The following C2CD2 variants were observed in gnomAD, a reference collection of about 807,000 sequenced individuals.
The protein encoded by C2CD2 is C2 calcium dependent domain containing 2, also known as C2 domain-containing protein 2.
Under a neutral mutation model 74.3 loss-of-function variants are expected in C2CD2, and 43 were observed. The observed-to-expected ratio is 0.58, with a 90% CI of 0.45 to 0.75. The LOEUF (loss-of-function observed/expected upper bound fraction) is 0.75. Ranked by LOEUF, C2CD2 falls within the 30% of genes least tolerant of loss-of-function variation. The pLI is 0.00. For synonymous variants in C2CD2, 422 were observed against 390.7 expected, an observed-to-expected ratio of 1.08 and a Z score of -0.94; for missense variants, 801 against 916.3, an observed-to-expected ratio of 0.87 and a Z score of 1.63.
intron 1 of C2CD2, among the ~76,000 whole-genome samples, chr21:41,948,870 C>CT (rs967927171): frequency 0.087 from 6,975 of 80,376 alleles, 999 homozygotes; most frequent in East Asian, 0.25. Flanking sequence ...CACACAGCAT[C>CT]TTTTTTTTTT....
At position 41,939,201 on chromosome 21, in the gene C2CD2, T is replaced by C. The variant is rs1019072444; in HGVS notation, c.378+2946A>G. Among the ~76,000 whole-genome samples, 1 of 152,182 alleles carries C rather than the reference T, an allele frequency of 6.6e-6. No homozygotes were observed. Among genetic ancestry groups the C allele is most frequent in the South Asian group, 2.1e-4 (1 of 4,834 alleles). Reference sequence around the variant, plus strand: ...TCATGGCCATACAAATACGATGCTGTTTTTCACTTCTAATTTACATGTACT... The same window carrying C: ...TCATGGCCATACAAATACGATGCTGCTTTTCACTTCTAATTTACATGTACT... On this transcript the variant is annotated intron_variant, in intron 2 of 13. Coordinates refer to ENST00000380486, the MANE Select transcript of C2CD2 (RefSeq NM_015500.2). This position sits in a 1 kb window ranked among gnomAD's most constrained non-coding sequence, Gnocchi z 5.5.
At chr21:41,912,947 A>T (rs969100237) in intron 6 of C2CD2, among the ~76,000 whole-genome samples, 6 of 152,234 alleles carry the variant, frequency 3.9e-5, no homozygotes, top group African/African-American at 1.4e-4. Flanking sequence ...GGAGTTAAGT[A>T]ATTTTTTCCC....
intron 11 of C2CD2, among the ~76,000 whole-genome samples, chr21:41,902,742 G>A (rs184324588): frequency 3.3e-5 from 5 of 152,222 alleles, no homozygotes; most frequent in African/African-American, 4.8e-5. Context: ...GTGACACTGG[G>A]GAATAATAAA....
chr21:41,921,927 G>C (rs2065158061), intron 3 of C2CD2, 45 bp downstream of exon 3: 1 of 1,189,748 alleles, frequency 8.4e-7, no homozygotes, highest in Non-Finnish European at 1.3e-6. Flanking sequence ...ACATTTCTGA[G>C]AACTGTGACG....
At chr21:41,941,721 C>T (rs1434836411) in intron 2 of C2CD2, among the ~76,000 whole-genome samples, 2 of 152,196 alleles carry the variant, frequency 1.3e-5, no homozygotes, top group South Asian at 2.1e-4. Context: ...ATCACCCCAA[C>T]ATGAAACCTT....
At chr21:41,952,614 G>C (rs752277387) in intron 1 of C2CD2, among the ~76,000 whole-genome samples, 2 of 152,230 alleles carry the variant, frequency 1.3e-5, no homozygotes, top group African/African-American at 2.4e-5. Flanking sequence ...ATAAGTCAAC[G>C]AGTAATCAGC....
chr21:41,918,070 G>T, intron 5 of C2CD2, 35 bp downstream of exon 5: 1 of 1,613,184 alleles, frequency 6.2e-7, no homozygotes, highest in Non-Finnish European at 8.5e-7. Flanking sequence ...GCCTAACGGG[G>T]TTCAGATGCA....
chr21:41,902,239 C>T (rs2064908234), intron 11 of C2CD2, among the ~76,000 whole-genome samples: 1 of 152,174 alleles, frequency 6.6e-6, no homozygotes, highest in Non-Finnish European at 1.5e-5. Context: ...CTTTGAAAGG[C>T]AAGGTAGTGA....
At chr21:41,920,548 G>A (rs749068560) in intron 3 of C2CD2, among the ~76,000 whole-genome samples, 1 of 152,186 alleles carries the variant, frequency 6.6e-6, no homozygotes, top group Non-Finnish European at 1.5e-5. Flanking sequence ...GGTAATTCTA[G>A]TGGAAAAGTG....
chr21:41,953,316 G>A (rs540812588), intron 1 of C2CD2, 54 bp downstream of exon 1: 8 of 1,273,584 alleles, frequency 6.3e-6, no homozygotes, highest in South Asian at 1.9e-5. Context: ...ACCTCGGCCC[G>A]GACCGCCCGC....
intron 1 of C2CD2, among the ~76,000 whole-genome samples, chr21:41,943,663 G>A (rs950801018): frequency 3.3e-5 from 5 of 152,302 alleles, no homozygotes; most frequent in East Asian, 3.9e-4. Context: ...AAACCTTGCC[G>A]TGGCGATTCC....
At position 41,901,705 on chromosome 21, in the gene C2CD2, T is replaced by G. The variant is rs750827057; in HGVS notation, c.1477A>C (p.Ile493Leu). The G allele has an allele frequency of 1.2e-6, 2 of 1,614,032 alleles. No individual in the cohort carries two copies. Among genetic ancestry groups the G allele is most frequent in the Admixed American group, 3.3e-5 (2 of 60,026 alleles). Residue 493 changes from isoleucine (I) to leucine (L), a missense_variant, in exon 12 of 14, where the codon ATT (isoleucine) becomes CTT (leucine). Ile to Leu is a conservative substitution (Grantham distance 5). Transcript: ENST00000380486. ...TTTGAAGATTCACTGAGCTGTCGAA[T>G]GGCCACTTCAGCCACTGGATCCGAA... ...NGSDPVAEVAIRQLSESSKLK... is the reference protein window; with the variant it reads ...NGSDPVAEVALRQLSESSKLK...
At position 41,926,345 on chromosome 21, in the gene C2CD2, G is replaced by A; in HGVS notation, c.379-4260C>T. 1 of 544,932 alleles carries A rather than the reference G, an allele frequency of 1.8e-6. No homozygotes were observed. Among genetic ancestry groups the A allele is most frequent in the Non-Finnish European group, 2.3e-6 (1 of 427,414 alleles). The allele number at this position is 544,932 out of a possible 1,614,324, so 33.8% of individuals were successfully genotyped here. ...TAAGTGACAGAGTGTTTTTCGGAGT[G>A]GGGGGCTATTCACGGTAAGTCAGGG... On this transcript the variant is annotated intron_variant, in intron 2 of 13. Coordinates refer to ENST00000380486, the MANE Select transcript of C2CD2 (RefSeq NM_015500.2). The surrounding 1 kb of genome is among the most constrained non-coding windows in gnomAD (Gnocchi z 8.0).
intron 2 of C2CD2, among the ~76,000 whole-genome samples, chr21:41,932,440 A>G (rs984671924): frequency 1.0e-4 from 9 of 87,080 alleles, no homozygotes; most frequent in Non-Finnish European, 2.5e-4. Flanking sequence ...GAAGTCTGCC[A>G]TCTACAGATA....
At chr21:41,917,114 T>G (rs550517770) in intron 5 of C2CD2, among the ~76,000 whole-genome samples, 64 of 152,318 alleles carry the variant, frequency 4.2e-4, no homozygotes, top group African/African-American at 1.5e-3. Flanking sequence ...CCGGTGCCCC[T>G]TCTGCATACT....
intron 12 of C2CD2, 197 bp downstream of exon 12, chr21:41,901,425 T>C (rs2064895187): frequency 1.6e-6 from 1 of 643,098 alleles, no homozygotes; most frequent in Admixed American, 2.3e-5. Context: ...TCCCATGTCC[T>C]TGGTGAATAG....
chr21:41,902,966 G>A (rs955739642), intron 11 of C2CD2, among the ~76,000 whole-genome samples: 1 of 152,136 alleles, frequency 6.6e-6, no homozygotes, highest in African/African-American at 2.4e-5. Context: ...TCGCCTGTGG[G>A]GAAGGGAAAG....
At chr21:41,943,536 G>A (rs1051418465) in intron 1 of C2CD2, among the ~76,000 whole-genome samples, 1 of 152,068 alleles carries the variant, frequency 6.6e-6, no homozygotes, top group Non-Finnish European at 1.5e-5. Context: ...AATGAGCTCC[G>A]ACTGGGTGGT....
intron 13 of C2CD2, among the ~76,000 whole-genome samples, chr21:41,898,556 C>T (rs940199197): frequency 1.3e-5 from 2 of 152,170 alleles, no homozygotes; most frequent in African/African-American, 4.8e-5. Context: ...TTAAGTTAAC[C>T]GATTCATTAT....
Sources: allele counts gnomAD v4.1 joint callset (sites outside exome capture counted in the v4.1 genomes callset), GRCh38; gene constraint gnomAD v4.1.1; non-coding constraint Gnocchi (gnomAD v3.1); transcripts MANE v1.5; gene names NCBI Gene and HGNC (gene_info 2026-07-23, HGNC 2026-07-21).